GMDS: variants seen among roughly 807,000 people sequenced by gnomAD.
GMDS encodes the protein GDP-mannose 4,6-dehydratase, also known as GDP-mannose 4,6 dehydratase.
GMDS carries 20 observed loss-of-function variants against 49.9 expected under a neutral mutation model. That is an observed-to-expected ratio of 0.40 (90% CI 0.28 to 0.58). GMDS has a LOEUF of 0.58. Among genes scored for constraint, GMDS ranks in the 20% least tolerant of loss-of-function variants. The pLI is 0.42. For synonymous variants in GMDS, 177 were observed against 178.6 expected (o/e 0.99, Z 0.07); for missense variants, 362 against 481.4 (o/e 0.75, Z 2.32).
chr6:1,937,972 G>A (rs1033480431), intron 6 of GMDS, among the ~76,000 whole-genome samples: 1 of 152,024 alleles, frequency 6.6e-6, no homozygotes, highest in African/African-American at 2.4e-5. Context: ...TTTGAGATCA[G>A]CCTGGGCAAC....
chr6:2,083,937 C>G (rs1390146393), intron 4 of GMDS, among the ~76,000 whole-genome samples: 1 of 152,056 alleles, frequency 6.6e-6, no homozygotes, highest in Admixed American at 6.5e-5. Context: ...ACAGCTAAAG[C>G]TAAAATATAT....
At chr6:2,150,630 A>G (rs1387297105) in intron 1 of GMDS, among the ~76,000 whole-genome samples, 4 of 152,206 alleles carry the variant, frequency 2.6e-5, no homozygotes, top group Admixed American at 2.0e-4. Flanking sequence ...CTCTAAAATT[A>G]TTTCCACCTA....
chr6:1,870,793 G>C (rs181897254), intron 7 of GMDS, among the ~76,000 whole-genome samples: 1 of 152,298 alleles, frequency 6.6e-6, no homozygotes, highest in East Asian at 1.9e-4. Flanking sequence ...CATATTAAGA[G>C]AGTAAAGTTT....
intron 7 of GMDS, 136 bp from the exon 8 acceptor site, chr6:1,742,722 C>T: frequency 1.0e-5 from 6 of 579,290 alleles, no homozygotes; most frequent in Non-Finnish European, 1.9e-5. Context: ...CTAAGCACAA[C>T]AGCAATGGCT....
intron 7 of GMDS, among the ~76,000 whole-genome samples, chr6:1,831,121 A>G (rs1000782158): frequency 3.3e-5 from 5 of 152,264 alleles, no homozygotes; most frequent in Admixed American, 6.5e-5. Context: ...CTGATTGGCT[A>G]CAAAGGCATT....
chr6:2,003,619 T>C (rs1766973244), intron 4 of GMDS, among the ~76,000 whole-genome samples: 1 of 152,198 alleles, frequency 6.6e-6, no homozygotes, highest in Non-Finnish European at 1.5e-5. Flanking sequence ...CCTACCAATT[T>C]CCTTAATCAT....
chr6:2,161,702 G>C (rs889228328), intron 1 of GMDS, among the ~76,000 whole-genome samples: 2 of 152,198 alleles, frequency 1.3e-5, no homozygotes, highest in African/African-American at 4.8e-5. Flanking sequence ...AAGGACCTAC[G>C]TGGGGCTGGT....
chr6:1,671,429 A>G (rs1764417881), intron 9 of GMDS, among the ~76,000 whole-genome samples: 1 of 152,130 alleles, frequency 6.6e-6, no homozygotes, highest in South Asian at 2.1e-4. Flanking sequence ...GCCAAAAACA[A>G]CACCCACCCC....
intron 1 of GMDS, among the ~76,000 whole-genome samples, chr6:2,228,108 G>A (rs1236226007): frequency 1.3e-5 from 2 of 152,170 alleles, no homozygotes; most frequent in Non-Finnish European, 2.9e-5. Flanking sequence ...ACTTTTCCTA[G>A]AGAAACAAGA....
intron 4 of GMDS, among the ~76,000 whole-genome samples, chr6:2,048,983 A>G (rs553811073): frequency 6.6e-6 from 1 of 152,268 alleles, no homozygotes; most frequent in Non-Finnish European, 1.5e-5. Context: ...GGGACTCCAC[A>G]TGGGATTCGT....
At chr6:1,839,871 G>A (rs1164647603) in intron 7 of GMDS, among the ~76,000 whole-genome samples, 1 of 152,186 alleles carries the variant, frequency 6.6e-6, no homozygotes, top group Non-Finnish European at 1.5e-5. Context: ...AGCCCTCTGC[G>A]CCTTTGTGGG....
intron 9 of GMDS, among the ~76,000 whole-genome samples, chr6:1,630,477 C>T (rs1762965375): frequency 6.6e-6 from 1 of 152,232 alleles, no homozygotes; most frequent in Non-Finnish European, 1.5e-5. Context: ...AACATGCCCA[C>T]TGTCTGCCCT....
intron 1 of GMDS, among the ~76,000 whole-genome samples, chr6:2,180,554 A>C (rs1273077527): frequency 2.0e-5 from 3 of 152,196 alleles, no homozygotes; most frequent in East Asian, 3.8e-4. Context: ...AATTGTGATA[A>C]AGCTATATAG....
At chr6:1,723,282 G>A (rs1384983798) in intron 9 of GMDS, among the ~76,000 whole-genome samples, 1 of 145,362 alleles carries the variant, frequency 6.9e-6, no homozygotes, top group Non-Finnish European at 1.5e-5. Flanking sequence ...TCAGTGTTCT[G>A]AGACCTGATG....
intron 1 of GMDS, among the ~76,000 whole-genome samples, chr6:2,168,116 T>C (rs1777759035): frequency 6.6e-6 from 1 of 152,206 alleles, no homozygotes; most frequent in Non-Finnish European, 1.5e-5. Context: ...AGGTACAAAC[T>C]TCTCTAAGGG....
chr6:1,813,249 C>T (rs1475833955), intron 7 of GMDS, among the ~76,000 whole-genome samples: 2 of 128,830 alleles, frequency 1.6e-5, no homozygotes, highest in African/African-American at 6.0e-5. Flanking sequence ...AAAAAAAAAA[C>T]CTTAATTAAA....
intron 1 of GMDS, among the ~76,000 whole-genome samples, chr6:2,196,417 A>G (rs1395610963): frequency 1.3e-5 from 2 of 152,250 alleles, no homozygotes; most frequent in African/African-American, 4.8e-5. Context: ...GCACAAGTCT[A>G]CTTGGAAGCA....
chr6:1,895,180 T>C (rs529227825), intron 7 of GMDS, among the ~76,000 whole-genome samples: 43 of 152,318 alleles, frequency 2.8e-4, no homozygotes, highest in African/African-American at 1.0e-3. Flanking sequence ...GTGTGGTACC[T>C]GGCTTGCTTG....
intron 7 of GMDS, among the ~76,000 whole-genome samples, chr6:1,898,536 T>A (rs1166663441): frequency 1.3e-5 from 2 of 152,170 alleles, no homozygotes; most frequent in South Asian, 2.1e-4. Flanking sequence ...TTGGAGGGCA[T>A]TTACCAGTTC....
Sources: allele counts gnomAD v4.1 joint callset (sites outside exome capture counted in the v4.1 genomes callset), GRCh38; gene constraint gnomAD v4.1.1; transcripts MANE v1.5; gene names NCBI Gene and HGNC (gene_info 2026-07-23, HGNC 2026-07-21).